Variants in GPC6 observed in about 807,000 individuals in gnomAD.
GPC6 encodes glypican-6.
GPC6 carries 14 observed loss-of-function variants against 55.2 expected under a neutral mutation model. That is an observed-to-expected ratio of 0.25 (90% CI 0.17 to 0.40). The LOEUF is 0.40. GPC6 is among the 10% of genes least tolerant of loss of function. GPC6 has a pLI of 1.00. For synonymous variants in GPC6, 278 were observed against 259.6 expected (o/e 1.07, Z -0.68); for missense variants, 641 against 708.5 (o/e 0.90, Z 1.08).
At chr13:93,810,527 G>T (rs1886663703) in intron 2 of GPC6, among the ~76,000 whole-genome samples, 1 of 152,166 alleles carries the variant, frequency 6.6e-6, no homozygotes, top group Non-Finnish European at 1.5e-5. Context: ...AGATGAAAGG[G>T]ATGACATTTT....
At chr13:94,108,702 C>T (rs1238212321) in intron 4 of GPC6, among the ~76,000 whole-genome samples, 4 of 151,902 alleles carry the variant, frequency 2.6e-5, no homozygotes, top group African/African-American at 9.7e-5. Flanking sequence ...ATTAGCTGGG[C>T]ATGGTGGTCC....
At chr13:93,938,168 T>G (rs956528930) in intron 3 of GPC6, among the ~76,000 whole-genome samples, 1 of 152,142 alleles carries the variant, frequency 6.6e-6, no homozygotes, top group East Asian at 1.9e-4. Flanking sequence ...TAGTAGCAAA[T>G]ATAGCCAATT....
intron 4 of GPC6, among the ~76,000 whole-genome samples, chr13:94,107,507 C>G (rs574825105): frequency 6.6e-5 from 10 of 151,860 alleles, no homozygotes; most frequent in African/African-American, 2.2e-4. Context: ...ATACTTCACT[C>G]TACTCCTTAC....
intron 2 of GPC6, among the ~76,000 whole-genome samples, chr13:93,567,175 C>T (rs534245795): frequency 3.6e-4 from 55 of 152,258 alleles, no homozygotes; most frequent in African/African-American, 1.3e-3. Context: ...ATTTACACTT[C>T]CATCAACAGT....
intron 2 of GPC6, among the ~76,000 whole-genome samples, chr13:93,688,416 A>G (rs551182672): frequency 2.3e-3 from 352 of 152,124 alleles, no homozygotes; most frequent in Admixed American, 5.3e-3. Flanking sequence ...CAGCAATTTT[A>G]CTCCTAGGTA....
In GPC6 at chr13:93,305,913, A is replaced by G. The variant is rs192120989; in HGVS notation, c.160+78297A>G. ...TTTTGCCTCCCATATGCACTGAACT[A>G]TATTAGAAAATAAAATATTAAAACC... On this transcript the variant is annotated intron_variant, in intron 1 of 8. Transcript: ENST00000377047. Among the ~76,000 whole-genome samples the G allele has an allele frequency of 2.3e-3, 346 of 152,322 alleles. 1 individual carries two copies. The highest frequency in any genetic ancestry group is 7.9e-3 in the African/African-American group (327 of 41,578).
chr13:94,225,668 C>CATATATATATATATATATATATATATAT (rs1355465459), intron 4 of GPC6, among the ~76,000 whole-genome samples: 20 of 97,534 alleles, frequency 2.1e-4, no homozygotes, highest in African/African-American at 7.1e-4. Context: ...GTAAAGTATA[C>CATATATATATATATATATATATATATAT]ACATATATAT....
chr13:93,907,601 T>A (rs966808908), intron 3 of GPC6, among the ~76,000 whole-genome samples: 1 of 152,152 alleles, frequency 6.6e-6, no homozygotes, highest in African/African-American at 2.4e-5. Flanking sequence ...TTTTAAACTC[T>A]TATTAACATT....
At position 93,334,283 on chromosome 13, in the gene GPC6, A is replaced by C. The variant is rs577787751; in HGVS notation, c.160+106667A>C. ...TTAATTACTATAGTTCTGTATAAAA[A>C]TCTTACCTTGTTCTTCTTCTGGAGT... On this transcript the variant is annotated intron_variant, in intron 1 of 8. Coordinates refer to ENST00000377047, the MANE Select transcript of GPC6 (RefSeq NM_005708.5). 3.3e-4 allele frequency among the ~76,000 whole-genome samples: 50 copies of C among 152,224 alleles called. No individual in the cohort carries two copies. The South Asian group carries it at 6.4e-3, about 20-fold the overall frequency.
intron 2 of GPC6, among the ~76,000 whole-genome samples, chr13:93,609,820 T>G (rs1242325145): frequency 6.6e-6 from 1 of 152,168 alleles, no homozygotes; most frequent in Admixed American, 6.6e-5. Flanking sequence ...ATCCCTCCCT[T>G]GGCTATTGGA....
At chr13:93,562,459 G>A in intron 2 of GPC6, among the ~76,000 whole-genome samples, 1 of 152,020 alleles carries the variant, frequency 6.6e-6, no homozygotes. Flanking sequence ...ATTGCATATA[G>A]CAACCTGATG....
At chr13:93,884,501 A>T (rs1055811763) in intron 3 of GPC6, among the ~76,000 whole-genome samples, 1 of 152,098 alleles carries the variant, frequency 6.6e-6, no homozygotes. Context: ...TATTTACATC[A>T]TAACTTTACT....
chr13:93,613,627 A>G (rs1361294992), intron 2 of GPC6, among the ~76,000 whole-genome samples: 2 of 152,060 alleles, frequency 1.3e-5, no homozygotes, highest in African/African-American at 2.4e-5. Flanking sequence ...GTGAATCTCT[A>G]GAAAGGCCAC....
At chr13:93,292,282 A>G (rs1177645833) in intron 1 of GPC6, among the ~76,000 whole-genome samples, 1 of 152,140 alleles carries the variant, frequency 6.6e-6, no homozygotes, top group African/African-American at 2.4e-5. Context: ...TGTAACTTCT[A>G]CCTCATGTGA....
At chr13:93,606,955 A>C (rs919926541) in intron 2 of GPC6, among the ~76,000 whole-genome samples, 1 of 152,192 alleles carries the variant, frequency 6.6e-6, no homozygotes, top group Non-Finnish European at 1.5e-5. Flanking sequence ...ATTTTTTAAT[A>C]CTTCTTGAAT....
chr13:93,659,066 A>G (rs1216116585), intron 2 of GPC6, among the ~76,000 whole-genome samples: 3 of 151,684 alleles, frequency 2.0e-5, no homozygotes, highest in African/African-American at 7.2e-5. Context: ...GGCTTTTCAG[A>G]TTTTCTGTCT....
chr13:94,238,637 T>G (rs1346780477), intron 4 of GPC6, among the ~76,000 whole-genome samples: 1 of 152,160 alleles, frequency 6.6e-6, no homozygotes, highest in Non-Finnish European at 1.5e-5. Flanking sequence ...TTCAATCATA[T>G]GCTGAATTTT....
chr13:93,664,568 C>T (rs1415699449), intron 2 of GPC6, among the ~76,000 whole-genome samples: 2 of 152,158 alleles, frequency 1.3e-5, no homozygotes, highest in Non-Finnish European at 2.9e-5. Context: ...ACACATGTTT[C>T]TATCATTATT....
chr13:94,388,894 C>T (rs1403456638), intron 7 of GPC6, among the ~76,000 whole-genome samples: 4 of 152,206 alleles, frequency 2.6e-5, no homozygotes, highest in African/African-American at 9.6e-5. Flanking sequence ...AGGGCTTCAA[C>T]ATGTGGATTT....
Sources: allele counts gnomAD v4.1 joint callset (sites outside exome capture counted in the v4.1 genomes callset), GRCh38; gene constraint gnomAD v4.1.1; transcripts MANE v1.5; gene names NCBI Gene and HGNC (gene_info 2026-07-23, HGNC 2026-07-21).